Variants in NAV3 observed in about 807,000 individuals in gnomAD.
NAV3 encodes the protein neuron navigator 3.
Under a neutral mutation model 244.7 loss-of-function variants are expected in NAV3, and 87 were observed. That is an observed-to-expected ratio of 0.36 (90% confidence interval 0.30 to 0.42). NAV3 has a LOEUF of 0.42. NAV3 is among the 20% of genes least tolerant of loss of function. The pLI is 1.00. For synonymous variants in NAV3, 1,126 were observed against 1,042.2 expected (o/e 1.08, Z -1.55); for missense variants, 2,663 against 2,893.3 (o/e 0.92, Z 1.83).
At chr12:77,762,645 A>C (rs1869533660) in intron 2 of NAV3, among the ~76,000 whole-genome samples, 1 of 152,102 alleles carries the variant, frequency 6.6e-6, no homozygotes, top group Non-Finnish European at 1.5e-5. Flanking sequence ...TTTCACTTTC[A>C]AACAGGGATC....
At chr12:78,053,233 A>AATATATAT (rs1449607713) in intron 11 of NAV3, among the ~76,000 whole-genome samples, 1 of 150,032 alleles carries the variant, frequency 6.7e-6, no homozygotes, top group Non-Finnish European at 1.5e-5. Context: ...ATATATATAT[A>AATATATAT]ATATATATAT....
chr12:77,964,121 T>C (rs1235870602), intron 3 of NAV3, among the ~76,000 whole-genome samples: 1 of 151,822 alleles, frequency 6.6e-6, no homozygotes, highest in Admixed American at 6.6e-5. Flanking sequence ...GTGGTGCAAG[T>C]TGAGAGAGAG....
intron 12 of NAV3, among the ~76,000 whole-genome samples, chr12:78,097,997 G>A (rs1338622784): frequency 6.6e-6 from 1 of 152,084 alleles, no homozygotes; most frequent in East Asian, 1.9e-4. Flanking sequence ...TTATTAAGCA[G>A]AACGCCTATA....
intron 9 of NAV3, among the ~76,000 whole-genome samples, chr12:78,037,918 G>T (rs1219092306): frequency 2.0e-5 from 3 of 152,032 alleles, no homozygotes; most frequent in Admixed American, 1.3e-4. Context: ...AGAAATACAG[G>T]GGCCGCTGCT....
chr12:77,906,109 C>G (rs1885942164), intron 1 of NAV3, among the ~76,000 whole-genome samples: 1 of 152,058 alleles, frequency 6.6e-6, no homozygotes, highest in Admixed American at 6.6e-5. Flanking sequence ...TTGATTAACT[C>G]AGATATATAG....
At chr12:77,635,160 A>G (rs1457300109) in intron 2 of NAV3, among the ~76,000 whole-genome samples, 1 of 152,076 alleles carries the variant, frequency 6.6e-6, no homozygotes, top group Non-Finnish European at 1.5e-5. Context: ...CCTGGGAGGC[A>G]GAGGCTGCAG....
chr12:77,853,979 G>C (rs1276715720), intron 1 of NAV3, among the ~76,000 whole-genome samples: 2 of 152,116 alleles, frequency 1.3e-5, no homozygotes, highest in Admixed American at 1.3e-4. Context: ...ATTGACTTTG[G>C]GAAGCAGTCT....
intron 2 of NAV3, among the ~76,000 whole-genome samples, chr12:77,772,200 T>G (rs1870126835): frequency 6.6e-6 from 1 of 152,158 alleles, no homozygotes; most frequent in Non-Finnish European, 1.5e-5. Flanking sequence ...ACAACGCTAG[T>G]ATTCAAACTT....
chr12:77,589,372 C>G (rs1243635069), intron 2 of NAV3, among the ~76,000 whole-genome samples: 1 of 9,844 alleles, frequency 1.0e-4, no homozygotes, highest in Non-Finnish European at 2.1e-4. Flanking sequence ...AGCAGCCCCC[C>G]TCTGTGGTAC....
At position 78,179,617 on chromosome 12, in the gene NAV3, C is replaced by T; in HGVS notation, c.5452C>T (p.Arg1818Trp). The T allele has an allele frequency of 6.2e-7, 1 of 1,613,326 alleles. No homozygotes were observed. Among genetic ancestry groups the T allele is most frequent in the Non-Finnish European group, 8.5e-7 (1 of 1,179,522 alleles). The change falls in exon 29 of 40, where the codon CGG becomes TGG. Residue 1818 changes from arginine (R) to tryptophan (W), a missense_variant. This residue lies in a region of NAV3 where 4 missense variants were observed against 20.2 expected (regional missense o/e 0.20). Transcript: ENST00000397909. ...REKELKLTDIRLEALSSAHHL... is the reference protein window; with the variant it reads ...REKELKLTDIWLEALSSAHHL... ...AAAGGAATTAAAATTAACGGATATT[C>T]GGCTGGAGGCCCTCAGCTCTGCTCA...
intron 2 of NAV3, among the ~76,000 whole-genome samples, chr12:77,772,564 A>T (rs894571554): frequency 6.6e-6 from 1 of 152,226 alleles, no homozygotes; most frequent in Admixed American, 6.5e-5. Flanking sequence ...GATGCTAGTT[A>T]GCAGGTAAGG....
At position 77,585,057 on chromosome 12, in the gene NAV3, A is replaced by C. The variant is rs551123700; in HGVS notation, c.72+12791A>C. On this transcript the variant is annotated intron_variant, in intron 2 of 8. Transcript: ENST00000550042. ...CCAAGACAAGATAAACCCCGTTCTC[A>C]CATGTCTATGCCATTGTTTTTTGCT... is the stretch of plus-strand genomic sequence containing the variant. Among the ~76,000 whole-genome samples the C allele has an allele frequency of 5.3e-5, 8 of 152,258 alleles. No individual in the cohort carries two copies. In the South Asian group the frequency reaches 1.7e-3, roughly 32 times the overall value.
chr12:78,117,985 A>G (rs1955495832), intron 13 of NAV3, 42 bp from the exon 14 acceptor site: 5 of 1,501,434 alleles, frequency 3.3e-6, no homozygotes, highest in Non-Finnish European at 4.5e-6. Context: ...TACTTTATAA[A>G]TTTTTCTACA....
intron 12 of NAV3, among the ~76,000 whole-genome samples, chr12:78,072,951 C>A (rs927070065): frequency 6.9e-6 from 1 of 144,006 alleles, no homozygotes; most frequent in African/African-American, 2.5e-5. Flanking sequence ...GATTATCTCA[C>A]TAGATGCAGA....
chr12:78,212,961 ATCTG>A lies in NAV3; in HGVS notation c.*2448_*2451del, dbSNP rs1960996699. On this transcript the variant is annotated 3_prime_UTR_variant, in exon 40 of 40. Transcript: ENST00000397909. ...ATTTTTTTGCAAATGTGCACCCTGT[ATCTG>A]TCTAAATTATTACTTTGCCATTAAA... is the stretch of plus-strand genomic sequence containing the variant. 1 of 152,612 alleles carries A rather than the reference ATCTG, an allele frequency of 6.6e-6. No homozygotes were observed. Among genetic ancestry groups the A allele is most frequent in the Admixed American group, 6.5e-5 (1 of 15,276 alleles). 9.5% of individuals were successfully genotyped at this position (152,612 alleles called of 1,614,324 possible).
At chr12:77,852,843 G>A (rs535414054) in intron 1 of NAV3, among the ~76,000 whole-genome samples, 29 of 152,228 alleles carry the variant, frequency 1.9e-4, no homozygotes, top group South Asian at 6.2e-4. Flanking sequence ...ATTCCAGTAC[G>A]TGAATTCTCC....
At chr12:77,859,758 CAAAA>C (rs61516625) in intron 1 of NAV3, among the ~76,000 whole-genome samples, 794 of 68,724 alleles carry the variant, frequency 0.012, 8 homozygotes, top group Middle Eastern at 0.05. Context: ...CTTTCAAATG[CAAAA>C]AAAAAAAAAA....
At position 77,785,078 on chromosome 12, in the gene NAV3, A is replaced by C. The variant is rs145964896; in HGVS notation, c.73-155241A>C. ...CAAAAGCAAAATGAGAATTAATAGA[A>C]ATAATGCAGGTCAGTGAATCCATGG... is the stretch of plus-strand genomic sequence containing the variant. On this transcript the variant is annotated intron_variant, in intron 2 of 8. Transcript: ENST00000550042. Among the ~76,000 whole-genome samples, 1,036 of 152,240 alleles carry C rather than the reference A, an allele frequency of 6.8e-3. 19 individuals are homozygous for C. Among genetic ancestry groups the C allele is most frequent in the African/African-American group, 0.023 (958 of 41,544 alleles).
At chr12:77,628,753 C>T (rs1253227656) in intron 2 of NAV3, among the ~76,000 whole-genome samples, 4 of 151,426 alleles carry the variant, frequency 2.6e-5, no homozygotes, top group East Asian at 3.9e-4. Flanking sequence ...TAGCCGGGCA[C>T]GGTGGAGCAT....
Sources: allele counts gnomAD v4.1 joint callset (sites outside exome capture counted in the v4.1 genomes callset), GRCh38; gene constraint gnomAD v4.1.1; regional missense constraint gnomAD v4.1.1; transcripts MANE v1.5; gene names NCBI Gene and HGNC (gene_info 2026-07-23, HGNC 2026-07-21).